ZMAT3: variants seen among roughly 807,000 people sequenced by gnomAD.
The protein encoded by ZMAT3 is zinc finger matrin-type protein 3.
ZMAT3 carries 17 observed loss-of-function variants against 32.3 expected under a neutral mutation model. That is an observed-to-expected ratio of 0.53 (90% CI 0.36 to 0.79). ZMAT3 has a LOEUF of 0.79. Among genes scored for constraint, ZMAT3 ranks in the 30% least tolerant of loss-of-function variants. The probability of loss-of-function intolerance (pLI) is 0.00; values close to 1 mark genes in which losing one functional copy is unlikely to be tolerated. For missense variants in ZMAT3, 329 were observed against 359.7 expected (o/e 0.91, Z 0.69); for synonymous variants, 120 against 133.1 (o/e 0.90, Z 0.68).
At chr3:179,069,495 T>C (rs1279808224) in intron 1 of ZMAT3, among the ~76,000 whole-genome samples, 1 of 152,230 alleles carries the variant, frequency 6.6e-6, no homozygotes. Flanking sequence ...AAACCTCTTC[T>C]CTTGGTCAAT....
intron 2 of ZMAT3, among the ~76,000 whole-genome samples, chr3:179,057,690 A>T (rs1000118051): frequency 1.3e-5 from 2 of 152,240 alleles, no homozygotes; most frequent in African/African-American, 2.4e-5. Flanking sequence ...CTTACGGCTA[A>T]AATTATCCAA....
rs1718490471 is a variant in ZMAT3 at position 179,020,497 on chromosome 3, G to T, written c.*4520C>A. The stretch of plus-strand genomic sequence containing the variant: ...TATGAAACTCCTGTACAATGATTTG[G>T]CTAGAAGAAAAAAATAGTTGGTAAG... On this transcript the variant is annotated 3_prime_UTR_variant, in exon 6 of 6. Transcript: ENST00000311417. 1 of 152,112 alleles carries T rather than the reference G, an allele frequency of 6.6e-6. No individual in the cohort carries two copies. The highest frequency in any genetic ancestry group is 1.5e-5 in the Non-Finnish European group (1 of 68,008). The allele number at this position is 152,112 out of a possible 1,614,324, so 9.4% of individuals were successfully genotyped here.
At position 179,018,814 on chromosome 3, in the gene ZMAT3, A is replaced by G. The variant is rs1718399795; in HGVS notation, c.*6203T>C. 6.6e-6 allele frequency: 1 copy of G among 152,164 alleles called. No homozygotes were observed. The highest frequency in any genetic ancestry group is 2.4e-5 in the African/African-American group (1 of 41,444). 9.4% of individuals were successfully genotyped at this position (152,164 alleles called of 1,614,324 possible). A position where few individuals can be genotyped will look rare whatever the true frequency, so the allele number is the denominator to read the frequency against. ...TAATTCTGCTAATTATAGCTGGAGG[A>G]AGTGTGGATAATTACAATTCTCAAG... On this transcript the variant is annotated 3_prime_UTR_variant, in exon 6 of 6. Transcript: ENST00000311417.
At chr3:179,047,962 T>TA (rs1227515690) in intron 2 of ZMAT3, among the ~76,000 whole-genome samples, 1 of 151,526 alleles carries the variant, frequency 6.6e-6, no homozygotes, top group Non-Finnish European at 1.5e-5. Flanking sequence ...ATAGCATAAA[T>TA]AAAAAACAAT....
At chr3:179,055,165 C>T (rs1456893245) in intron 2 of ZMAT3, among the ~76,000 whole-genome samples, 1 of 152,152 alleles carries the variant, frequency 6.6e-6, no homozygotes, top group East Asian at 1.9e-4. Context: ...GGCAAAAACG[C>T]CCCTAAGATG....
rs1226383222 is a variant in ZMAT3, at chr3:179,067,558, C to T, written c.195G>A (p.Glu65=). The change falls in exon 2 of 6, where the codon GAG becomes GAA. Residue 65 remains glutamate (E), a synonymous_variant. Coordinates refer to ENST00000311417, the MANE Select transcript of ZMAT3 (RefSeq NM_022470.4). The part of the protein sequence containing the change: ...KGGEQDCALE[E]LCKPLYCKLC... ...GTTTGCAGTACAGGGGCTTACATAG[C>T]TCCTCCAGGGCACAGTCTTGCTCCC... 13 of 1,614,230 alleles carry T rather than the reference C, an allele frequency of 8.1e-6. No homozygotes were observed. In the Middle Eastern group the frequency reaches 6.6e-4, roughly 82 times the overall value.
Position 179,021,521 on chromosome 3 carries a change from G to C in ZMAT3, c.*3496C>G, listed in dbSNP as rs1032822394. The C allele has an allele frequency of 6.6e-6, 1 of 152,118 alleles. No individual in the cohort carries two copies. Among genetic ancestry groups the C allele is most frequent in the African/African-American group, 2.4e-5 (1 of 41,382 alleles). The allele number at this position is 152,118 out of a possible 1,614,324, so 9.4% of individuals were successfully genotyped here. On this transcript the variant is annotated 3_prime_UTR_variant, in exon 6 of 6. Transcript: ENST00000311417. The stretch of plus-strand genomic sequence containing the variant: ...ACTGATGCTATGAGTTCCTATGGAT[G>C]ATTACCGAAATCTAAGTATTTTTTT...
At chr3:179,060,640 TC>T (rs1161205567) in intron 2 of ZMAT3, among the ~76,000 whole-genome samples, 1 of 152,006 alleles carries the variant, frequency 6.6e-6, no homozygotes, top group African/African-American at 2.4e-5. Flanking sequence ...TGAGACTCTG[TC>T]TCAAAAATAT....
chr3:179,036,987 C>A, intron 2 of ZMAT3, among the ~76,000 whole-genome samples: 1 of 152,180 alleles, frequency 6.6e-6, no homozygotes, highest in East Asian at 1.9e-4. Flanking sequence ...CCAGACTCAA[C>A]CCCACAGATG....
At chr3:179,040,253 G>A (rs1250194339) in intron 2 of ZMAT3, among the ~76,000 whole-genome samples, 1 of 152,132 alleles carries the variant, frequency 6.6e-6, no homozygotes, top group Non-Finnish European at 1.5e-5. Flanking sequence ...TACTCCTTGG[G>A]AAGAGCAACC....
chr3:179,051,102 C>G (rs1720530468), intron 2 of ZMAT3, among the ~76,000 whole-genome samples: 1 of 152,166 alleles, frequency 6.6e-6, no homozygotes. Flanking sequence ...ACTTTCACCA[C>G]TTCTATTCAC....
chr3:179,054,144 A>G (rs186645055), intron 2 of ZMAT3, among the ~76,000 whole-genome samples: 1 of 152,342 alleles, frequency 6.6e-6, no homozygotes, highest in African/African-American at 2.4e-5. Flanking sequence ...AAACTCGGCC[A>G]ATGCCACAAT....
At chr3:179,055,265 C>T (rs1720776593) in intron 2 of ZMAT3, among the ~76,000 whole-genome samples, 1 of 152,152 alleles carries the variant, frequency 6.6e-6, no homozygotes, top group African/African-American at 2.4e-5. Context: ...CCACAATATC[C>T]TCTTCAAGGG....
intron 1 of ZMAT3, 47 bp downstream of exon 1, chr3:179,071,548 A>AG (rs1204603800): frequency 1.3e-5 from 2 of 152,188 alleles, no homozygotes; most frequent in African/African-American, 2.4e-5. Flanking sequence ...CCGGCGCTCC[A>AG]GGGGCTCGTC....
chr3:179,038,758 G>A (rs1192601807), intron 2 of ZMAT3, among the ~76,000 whole-genome samples: 1 of 152,186 alleles, frequency 6.6e-6, no homozygotes, highest in Non-Finnish European at 1.5e-5. Context: ...AGGGTGGGGT[G>A]TTACCTCAAC....
chr3:179,056,321 T>TA (rs1553803005), intron 2 of ZMAT3, among the ~76,000 whole-genome samples: 20 of 141,708 alleles, frequency 1.4e-4, no homozygotes, highest in South Asian at 2.3e-4. Flanking sequence ...ACAAACGGGA[T>TA]AAAAAAAAAA....
rs2108532717 is a variant in ZMAT3, at chr3:179,025,038, C to T, written c.849G>A (p.Met283Ile). The change falls in exon 6 of 6, where the codon ATG (methionine) becomes ATA (isoleucine). Residue 283 changes from methionine to isoleucine, a missense_variant. Transcript: ENST00000311417. Reference sequence around the variant, plus strand: ...ATCACTATACATATCCCAGATTCTCCATCTCATTCCTGTACCGCTGTTCAG... The same window carrying T: ...ATCACTATACATATCCCAGATTCTCTATCTCATTCCTGTACCGCTGTTCAG... ...KVSEQRYRNEMENLGYV is the reference protein window; with the variant it reads ...KVSEQRYRNEIENLGYV 1 of 1,614,194 alleles carries T rather than the reference C, an allele frequency of 6.2e-7. No individual in the cohort carries two copies. Among genetic ancestry groups the T allele is most frequent in the South Asian group, 1.1e-5 (1 of 91,070 alleles).
At chr3:179,039,092 C>A (rs1719769580) in intron 2 of ZMAT3, among the ~76,000 whole-genome samples, 1 of 152,248 alleles carries the variant, frequency 6.6e-6, no homozygotes, top group African/African-American at 2.4e-5. Flanking sequence ...CACAGCTCAA[C>A]AAGGCCTACT....
Position 179,039,821 on chromosome 3 carries a change from A to G in ZMAT3, c.271-8822T>C, listed in dbSNP as rs565311151. ...TGTTCGAACCCATCGCAAGGAAGCT[A>G]AAAACCTTGAAAAAAGGTTAGACGA... On this transcript the variant is annotated intron_variant, in intron 2 of 5. Coordinates refer to ENST00000311417, the MANE Select transcript of ZMAT3 (RefSeq NM_022470.4). Among the ~76,000 whole-genome samples, 100 of 152,322 alleles carry G rather than the reference A, an allele frequency of 6.6e-4. 1 individual carries two copies. Among genetic ancestry groups the G allele is most frequent in the Middle Eastern group, 3.4e-3 (1 of 294 alleles).
Sources: gnomAD v4.1 joint callset for allele counts (sites outside exome capture counted in the v4.1 genomes callset) on GRCh38, gnomAD v4.1.1 for gene constraint, MANE v1.5 for transcripts, NCBI Gene and HGNC (gene_info 2026-07-23, HGNC 2026-07-21) for gene names.